The following HPSE2 variants were observed in gnomAD, a reference collection of about 807,000 sequenced individuals.
The protein encoded by HPSE2 is heparanase 2 (inactive).
A neutral mutation model predicts 60.5 loss-of-function variants in HPSE2; 38 were observed. That is an observed-to-expected ratio of 0.63 (90% CI 0.48 to 0.82). HPSE2 has a LOEUF of 0.82. Among genes scored for constraint, HPSE2 ranks in the 40% least tolerant of loss-of-function variants. HPSE2 has a pLI of 0.00. For missense variants in HPSE2, 713 were observed against 740.4 expected, an observed-to-expected ratio of 0.96 and a Z score of 0.43; for synonymous variants, 295 against 293.2, an observed-to-expected ratio of 1.01 and a Z score of -0.06.
the HPSE2 span, among the ~76,000 whole-genome samples, chr10:99,277,017 T>C: frequency 2.5e-4 from 38 of 152,204 alleles, no homozygotes; most frequent in Non-Finnish European, 2.1e-4. Flanking sequence ...ACCAGGTCAA[T>C]TCTGAAAGAA....
At chr10:98,929,601 A>G (rs1056047644) in intron 3 of HPSE2, among the ~76,000 whole-genome samples, 4 of 143,974 alleles carry the variant, frequency 2.8e-5, no homozygotes, top group Middle Eastern at 3.5e-3. Flanking sequence ...TTGAAAGACT[A>G]TAGATAAGAG....
At chr10:98,745,013 T>A (rs1159124589) in intron 3 of HPSE2, among the ~76,000 whole-genome samples, 4 of 152,126 alleles carry the variant, frequency 2.6e-5, no homozygotes, top group Non-Finnish European at 5.9e-5. Context: ...CCATCCTGGC[T>A]AACACGGTGA....
At chr10:98,899,716 A>G (rs1179310103) in intron 3 of HPSE2, among the ~76,000 whole-genome samples, 1 of 151,436 alleles carries the variant, frequency 6.6e-6, no homozygotes, top group African/African-American at 2.4e-5. Context: ...GCTGATGGAA[A>G]TGTAAAATGG....
intron 8 of HPSE2, among the ~76,000 whole-genome samples, chr10:98,619,414 C>G (rs951457911): frequency 1.1e-4 from 16 of 152,182 alleles, no homozygotes; most frequent in African/African-American, 3.9e-4. Flanking sequence ...TTTTCCCATT[C>G]CTTCCCAACT....
chr10:98,821,513 T>C (rs1951423106), intron 3 of HPSE2, among the ~76,000 whole-genome samples: 1 of 152,208 alleles, frequency 6.6e-6, no homozygotes, highest in South Asian at 2.1e-4. Flanking sequence ...CATGACTACA[T>C]GCAGCACGTG....
At chr10:98,656,592 G>A (rs1033797659) in intron 6 of HPSE2, among the ~76,000 whole-genome samples, 1 of 152,064 alleles carries the variant, frequency 6.6e-6, no homozygotes, top group Non-Finnish European at 1.5e-5. Flanking sequence ...CCCACCATAA[G>A]AATTTATATC....
At chr10:98,625,219 G>A (rs185425945) in intron 7 of HPSE2, among the ~76,000 whole-genome samples, 27 of 152,278 alleles carry the variant, frequency 1.8e-4, no homozygotes, top group Admixed American at 1.6e-3. Flanking sequence ...CCTGATCAAA[G>A]AATTGGAAGC....
At chr10:99,147,311 A>G (rs1846090735) in intron 2 of HPSE2, among the ~76,000 whole-genome samples, 1 of 152,250 alleles carries the variant, frequency 6.6e-6, no homozygotes, top group Admixed American at 6.5e-5. Context: ...TTATACTGTT[A>G]CAATGGTATT....
At chr10:98,531,768 T>C (rs1440491743) in intron 9 of HPSE2, among the ~76,000 whole-genome samples, 2 of 152,114 alleles carry the variant, frequency 1.3e-5, no homozygotes, top group African/African-American at 4.8e-5. Context: ...GGTGAAAGTT[T>C]AACACAGGAA....
intron 3 of HPSE2, among the ~76,000 whole-genome samples, chr10:98,959,340 T>C (rs1201419386): frequency 6.7e-6 from 1 of 149,368 alleles, no homozygotes; most frequent in Admixed American, 6.7e-5. Flanking sequence ...CTCCAGTTTC[T>C]TGTCAAAACT....
intron 11 of HPSE2, among the ~76,000 whole-genome samples, chr10:98,468,328 G>A (rs944442622): frequency 6.6e-6 from 1 of 152,154 alleles, no homozygotes; most frequent in African/African-American, 2.4e-5. Flanking sequence ...ATGTCCGGCT[G>A]GAGGAAAGGC....
At chr10:98,614,483 G>A (rs374671459) in intron 9 of HPSE2, among the ~76,000 whole-genome samples, 4 of 151,952 alleles carry the variant, frequency 2.6e-5, no homozygotes, top group East Asian at 1.9e-4. Context: ...TAGTGGAGAC[G>A]GGGTTTCACC....
intron 3 of HPSE2, among the ~76,000 whole-genome samples, chr10:98,757,560 C>A (rs1463048076): frequency 6.6e-6 from 1 of 151,916 alleles, no homozygotes; most frequent in African/African-American, 2.4e-5. Flanking sequence ...AGAGCCAAAT[C>A]AAAAATGCAA....
intron 2 of HPSE2, among the ~76,000 whole-genome samples, chr10:99,203,007 T>C (rs1478269774): frequency 6.6e-6 from 1 of 152,132 alleles, no homozygotes; most frequent in Non-Finnish European, 1.5e-5. Flanking sequence ...AGTCCAGTGC[T>C]GGACAGGCCC....
chr10:99,236,510 G>T (rs1035223003), upstream of HPSE2, among the ~76,000 whole-genome samples: 18 of 152,076 alleles, frequency 1.2e-4, no homozygotes, highest in Admixed American at 5.2e-4. Flanking sequence ...AGTTGCAGAG[G>T]GGTCTTGAGG....
intron 8 of HPSE2, among the ~76,000 whole-genome samples, chr10:98,620,369 C>A (rs1433080657): frequency 6.6e-6 from 1 of 152,192 alleles, no homozygotes; most frequent in Non-Finnish European, 1.5e-5. Flanking sequence ...ATAATTATTA[C>A]TGTTACTACT....
intron 3 of HPSE2, among the ~76,000 whole-genome samples, chr10:99,118,771 C>T (rs987579779): frequency 2.0e-5 from 3 of 151,958 alleles, no homozygotes; most frequent in Non-Finnish European, 4.4e-5. Flanking sequence ...AATCTCAGCA[C>T]TTTGGGAGGC....
intron 3 of HPSE2, among the ~76,000 whole-genome samples, chr10:99,028,014 G>T (rs73339419): frequency 0.014 from 2,189 of 152,094 alleles, 48 homozygotes; most frequent in African/African-American, 0.049. Flanking sequence ...TGTAATAAAA[G>T]CCACATACAC....
At chr10:99,305,556 G>A in the HPSE2 span, among the ~76,000 whole-genome samples, 1 of 152,150 alleles carries the variant, frequency 6.6e-6, no homozygotes, top group Non-Finnish European at 1.5e-5. Flanking sequence ...AGGAAGGAAG[G>A]GTTGATGGGT....
Sources: gnomAD v4.1 joint callset for allele counts (sites outside exome capture counted in the v4.1 genomes callset) on GRCh38, gnomAD v4.1.1 for gene constraint, MANE v1.5 for transcripts, NCBI Gene and HGNC (gene_info 2026-07-23, HGNC 2026-07-21) for gene names.